SNTB1: variants seen among roughly 807,000 people sequenced by gnomAD.
SNTB1 encodes the protein beta-1-syntrophin.
Under a neutral mutation model 48.9 loss-of-function variants are expected in SNTB1, and 36 were observed. The observed-to-expected ratio is 0.74, with a 90% CI of 0.56 to 0.97. The LOEUF (loss-of-function observed/expected upper bound fraction) is 0.97. Ranked by LOEUF, SNTB1 falls within the 50% of genes least tolerant of loss-of-function variation. The pLI is 0.00. For synonymous variants in SNTB1, 299 were observed against 294.6 expected (o/e 1.01, Z -0.15); for missense variants, 786 against 703.4 (o/e 1.12, Z -1.33).
In SNTB1 at chr8:120,693,920, A is replaced by T. The variant is rs770461850; in HGVS notation, c.572-12T>A. 5 of 1,600,744 alleles carry T rather than the reference A, an allele frequency of 3.1e-6. No homozygotes were observed. Among genetic ancestry groups the T allele is most frequent in the Non-Finnish European group, 4.3e-6 (5 of 1,168,154 alleles). ...TCGCATGTACTTCACTGCAAGGAAA[A>T]AGACAACAAGTGCTTTTAATACATC... On this transcript the variant is annotated splice_polypyrimidine_tract_variant and intron_variant, in intron 1 of 6. Transcript: ENST00000517992.
At chr8:120,686,904 C>T (rs1818044794) in intron 2 of SNTB1, among the ~76,000 whole-genome samples, 1 of 151,982 alleles carries the variant, frequency 6.6e-6, no homozygotes, top group South Asian at 2.1e-4. Flanking sequence ...ATTATGAAGC[C>T]ACCATGACGT....
chr8:120,636,606 T>A (rs1587051002), intron 2 of SNTB1, among the ~76,000 whole-genome samples: 1 of 149,446 alleles, frequency 6.7e-6, no homozygotes, highest in East Asian at 1.9e-4. Context: ...TATTCCATGG[T>A]GTATATGTGC....
chr8:120,715,866 A>C (rs1818547083), intron 1 of SNTB1, among the ~76,000 whole-genome samples: 1 of 152,222 alleles, frequency 6.6e-6, no homozygotes, highest in Non-Finnish European at 1.5e-5. Context: ...TTAGTAAAAA[A>C]GCCAAACCTC....
intron 1 of SNTB1, among the ~76,000 whole-genome samples, chr8:120,738,735 T>C (rs1032625576): frequency 6.6e-6 from 1 of 152,104 alleles, no homozygotes; most frequent in Non-Finnish European, 1.5e-5. Context: ...CCTATGAAAA[T>C]TGCAAAGCAC....
chr8:120,667,876 A>G (rs1309716018), intron 2 of SNTB1, among the ~76,000 whole-genome samples: 2 of 152,046 alleles, frequency 1.3e-5, no homozygotes. Flanking sequence ...TGAGGCCCTT[A>G]TGTGTGCTCT....
chr8:120,747,254 G>GCAGGAA (rs1819140422), intron 1 of SNTB1, among the ~76,000 whole-genome samples: 1 of 152,100 alleles, frequency 6.6e-6, no homozygotes, highest in Non-Finnish European at 1.5e-5. Context: ...GCAAATTAAT[G>GCAGGAA]CAGGAACAGA....
At chr8:120,608,075 G>A (rs896004403) in intron 3 of SNTB1, among the ~76,000 whole-genome samples, 4 of 152,178 alleles carry the variant, frequency 2.6e-5, no homozygotes, top group African/African-American at 4.8e-5. Context: ...ATTGAACAGC[G>A]TCTTTGAAAC....
chr8:120,665,374 C>T (rs1817658464), intron 2 of SNTB1, among the ~76,000 whole-genome samples: 1 of 152,192 alleles, frequency 6.6e-6, no homozygotes, highest in Non-Finnish European at 1.5e-5. Context: ...ATTGCTTGAA[C>T]CTGGGAGGCG....
chr8:120,811,779 C>A lies in SNTB1; in HGVS notation c.65G>T (p.Arg22Leu). The part of the protein sequence containing the change: ...PAGAGGGRAQ[R>L]SGLLEVLVRD... ...CACCAAAACTTCCAGCAGCCCGCTC[C>A]GCTGCGCCCGGCCGCCTCCCGCGCC... The change falls in exon 1 of 7, where the codon CGG becomes CTG. Residue 22 changes from arginine to leucine, a missense_variant. Physicochemically the swap from Arg to Leu is moderately radical, Grantham distance 102 (BLOSUM62 -2). Coordinates refer to ENST00000517992, the MANE Select transcript of SNTB1 (RefSeq NM_021021.4). 1.3e-6 allele frequency: 2 copies of A among 1,486,700 alleles called. No homozygotes were observed. The highest frequency in any genetic ancestry group is 2.8e-5 in the East Asian group (1 of 36,106). The allele number at this position is 1,486,700 out of a possible 1,614,324, so 92.1% of individuals were successfully genotyped here.
intron 5 of SNTB1, among the ~76,000 whole-genome samples, chr8:120,543,414 C>A (rs1281752697): frequency 6.6e-6 from 1 of 152,174 alleles, no homozygotes; most frequent in Non-Finnish European, 1.5e-5. Flanking sequence ...TGCTGTACAT[C>A]ATCATTTACT....
At chr8:120,629,906 C>A (rs984534676) in intron 3 of SNTB1, among the ~76,000 whole-genome samples, 2 of 152,172 alleles carry the variant, frequency 1.3e-5, no homozygotes, top group Non-Finnish European at 2.9e-5. Flanking sequence ...ATTGCTGTTC[C>A]ATGAGAATGT....
chr8:120,662,548 G>T (rs1048146206), intron 2 of SNTB1, among the ~76,000 whole-genome samples: 1 of 152,282 alleles, frequency 6.6e-6, no homozygotes, highest in Non-Finnish European at 1.5e-5. Flanking sequence ...GGTGCATGGG[G>T]TGGGTTGGGA....
chr8:120,798,546 G>A (rs1445450936), intron 1 of SNTB1, among the ~76,000 whole-genome samples: 1 of 152,034 alleles, frequency 6.6e-6, no homozygotes, highest in African/African-American at 2.4e-5. Flanking sequence ...CTGAAGTTGA[G>A]AAACCTTGAT....
At chr8:120,753,930 C>G (rs546177184) in intron 1 of SNTB1, among the ~76,000 whole-genome samples, 3 of 152,192 alleles carry the variant, frequency 2.0e-5, no homozygotes, top group Non-Finnish European at 2.9e-5. Flanking sequence ...TCAAGGAAAC[C>G]CTGTGACTGA....
chr8:120,602,939 A>G (rs927332032), intron 3 of SNTB1, among the ~76,000 whole-genome samples: 1 of 151,970 alleles, frequency 6.6e-6, no homozygotes, highest in Non-Finnish European at 1.5e-5. Context: ...TCATGTTAAG[A>G]TGACTTTTAC....
At chr8:120,595,160 C>A (rs1013105714) in intron 3 of SNTB1, among the ~76,000 whole-genome samples, 2 of 152,076 alleles carry the variant, frequency 1.3e-5, no homozygotes, top group South Asian at 2.1e-4. Context: ...GCTGTTTGAA[C>A]CAGAGCAACT....
intron 3 of SNTB1, among the ~76,000 whole-genome samples, chr8:120,578,095 C>T (rs1414711929): frequency 1.3e-5 from 2 of 152,038 alleles, no homozygotes; most frequent in African/African-American, 4.8e-5. Context: ...TGCAGTGGTG[C>T]GATCTCGGTT....
At position 120,598,383 on chromosome 8, in the gene SNTB1, T is replaced by G. The variant is rs189180488; in HGVS notation, c.997-23158A>C. Reference sequence around the variant, plus strand: ...CCACTTCTTTATGCGAGGCCAAACTTTCTTCATCCTTTAGCATTCACAGAC... The same window carrying G: ...CCACTTCTTTATGCGAGGCCAAACTGTCTTCATCCTTTAGCATTCACAGAC... On this transcript the variant is annotated intron_variant, in intron 3 of 6. Transcript: ENST00000517992. Among the ~76,000 whole-genome samples the G allele has an allele frequency of 4.8e-3, 724 of 152,312 alleles. 18 individuals carry two copies. The highest frequency in any genetic ancestry group is 0.043 in the Admixed American group (651 of 15,298).
In SNTB1 at chr8:120,536,253, A is replaced by C. The variant is rs1207051223; in HGVS notation, c.*2624T>G. 1.3e-5 allele frequency: 2 copies of C among 152,216 alleles called. No individual in the cohort carries two copies. Among genetic ancestry groups the C allele is most frequent in the Non-Finnish European group, 2.9e-5 (2 of 68,046 alleles). The allele number at this position is 152,216 out of a possible 1,614,324, so 9.4% of individuals were successfully genotyped here. A position where few individuals can be genotyped will look rare whatever the true frequency, so the allele number is the denominator to read the frequency against. On this transcript the variant is annotated 3_prime_UTR_variant, in exon 7 of 7. Coordinates refer to ENST00000517992, the MANE Select transcript of SNTB1 (RefSeq NM_021021.4). ...CTGACAAATAGGCAACTTCCCATAA[A>C]GTACAGATTAAAACATCATTCATTT... is the stretch of plus-strand genomic sequence containing the variant.
Sources: allele counts gnomAD v4.1 joint callset (sites outside exome capture counted in the v4.1 genomes callset), GRCh38; gene constraint gnomAD v4.1.1; transcripts MANE v1.5; gene names NCBI Gene and HGNC (gene_info 2026-07-23, HGNC 2026-07-21).